The following MBNL2 variants were observed in gnomAD, a reference collection of about 807,000 sequenced individuals.
The protein encoded by MBNL2 is muscleblind like splicing regulator 2, also known as muscleblind-like protein 2.
In MBNL2, 17 loss-of-function variants were observed where a neutral mutation model predicts 41.9. The observed-to-expected ratio is 0.41, with a 90% CI of 0.28 to 0.61. MBNL2 has a LOEUF of 0.61. Among genes scored for constraint, MBNL2 ranks in the 20% least tolerant of loss-of-function variants. The probability of loss-of-function intolerance (pLI) is 0.35; values close to 1 mark genes in which losing one functional copy is unlikely to be tolerated. For synonymous variants in MBNL2, 195 were observed against 182.9 expected, an observed-to-expected ratio of 1.07 and a Z score of -0.53; for missense variants, 336 against 505.6, an observed-to-expected ratio of 0.66 and a Z score of 3.22.
the MBNL2 span, among the ~76,000 whole-genome samples, chr13:97,179,836 TAGAG>T: frequency 1.3e-5 from 2 of 151,928 alleles, no homozygotes; most frequent in Non-Finnish European, 2.9e-5. Flanking sequence ...GTGGCCACAG[TAGAG>T]AGAGTTAGGG....
At chr13:97,382,440 C>T (rs1024262605) in intron 8 of MBNL2, among the ~76,000 whole-genome samples, 1 of 152,240 alleles carries the variant, frequency 6.6e-6, no homozygotes, top group African/African-American at 2.4e-5. Context: ...ATTCCGTCAC[C>T]TCCTCCACCT....
chr13:97,222,099 A>G (rs769129637), upstream of MBNL2, among the ~76,000 whole-genome samples: 1 of 152,058 alleles, frequency 6.6e-6, no homozygotes, highest in Non-Finnish European at 1.5e-5. Context: ...TGCTCTGCCA[A>G]TTATGTGCCA....
At chr13:97,339,865 G>T (rs2061284979) in intron 3 of MBNL2, among the ~76,000 whole-genome samples, 2 of 91,518 alleles carry the variant, frequency 2.2e-5, no homozygotes, top group African/African-American at 1.3e-4. Context: ...CAACTGATTT[G>T]TGTGTGGGCG....
At chr13:97,245,930 G>A (rs927178163) in intron 1 of MBNL2, among the ~76,000 whole-genome samples, 1 of 152,156 alleles carries the variant, frequency 6.6e-6, no homozygotes, top group Non-Finnish European at 1.5e-5. Context: ...GGGAACTAGT[G>A]CCTTTAAAGC....
the MBNL2 span, among the ~76,000 whole-genome samples, chr13:97,182,255 C>T: frequency 4.6e-5 from 7 of 152,100 alleles, no homozygotes; most frequent in Non-Finnish European, 8.8e-5. Context: ...TCTACCAGGG[C>T]TCAGAATATA....
the MBNL2 span, among the ~76,000 whole-genome samples, chr13:97,194,681 G>A: frequency 2.0e-5 from 3 of 152,172 alleles, no homozygotes; most frequent in Admixed American, 2.0e-4. Flanking sequence ...AACAGGATGT[G>A]GTAAAGAAGC....
intron 2 of MBNL2, among the ~76,000 whole-genome samples, chr13:97,310,865 G>A (rs1283850891): frequency 6.7e-6 from 1 of 148,822 alleles, no homozygotes; most frequent in Non-Finnish European, 1.5e-5. Flanking sequence ...GGTCACCTGA[G>A]ATGAACTCTT....
chr13:97,315,277 A>C (rs1317899814), intron 2 of MBNL2, among the ~76,000 whole-genome samples: 1 of 152,250 alleles, frequency 6.6e-6, no homozygotes, highest in Non-Finnish European at 1.5e-5. Flanking sequence ...TTCACTCCAG[A>C]TCTCATCCCA....
the MBNL2 span, among the ~76,000 whole-genome samples, chr13:97,215,546 AG>A: frequency 6.6e-6 from 1 of 152,264 alleles, no homozygotes; most frequent in Non-Finnish European, 1.5e-5. Flanking sequence ...ACAGGAAATG[AG>A]AGTTGTGGTT....
intron 8 of MBNL2, among the ~76,000 whole-genome samples, chr13:97,374,999 G>A (rs2153144064): frequency 6.6e-6 from 1 of 152,244 alleles, no homozygotes; most frequent in South Asian, 2.1e-4. Context: ...CTACTCATGG[G>A]CACTTATCTA....
intron 2 of MBNL2, among the ~76,000 whole-genome samples, chr13:97,309,752 TATC>T (rs1396186036): frequency 6.6e-6 from 1 of 152,116 alleles, no homozygotes; most frequent in Non-Finnish European, 1.5e-5. Flanking sequence ...AGATGAAAAA[TATC>T]ATAGCGAGAG....
rs1345883160 is a variant in MBNL2, at chr13:97,391,482, C to T, written c.*33C>T. Reference sequence around the variant, plus strand: ...TGTAGTTCTTCTGGACAGACCACAACTCTAAGAAGCTAGTGCTGCTATCTC... The same window carrying T: ...TGTAGTTCTTCTGGACAGACCACAATTCTAAGAAGCTAGTGCTGCTATCTC... On this transcript the variant is annotated 3_prime_UTR_variant, in exon 9 of 9. Transcript: ENST00000679496. The T allele has an allele frequency of 4.5e-6, 4 of 879,460 alleles. No homozygotes were observed. The highest frequency in any genetic ancestry group is 7.8e-6 in the Non-Finnish European group (4 of 513,434). 54.5% of individuals were successfully genotyped at this position (879,460 alleles called of 1,614,324 possible).
intron 8 of MBNL2, among the ~76,000 whole-genome samples, chr13:97,381,583 C>T (rs1256096589): frequency 6.6e-6 from 1 of 151,782 alleles, no homozygotes; most frequent in Non-Finnish European, 1.5e-5. Context: ...GAAAAAAACC[C>T]ATATCATATA....
chr13:97,162,082 G>A, the MBNL2 span, among the ~76,000 whole-genome samples: 1 of 152,176 alleles, frequency 6.6e-6, no homozygotes, highest in Non-Finnish European at 1.5e-5. Context: ...GGCGTAGGAG[G>A]AAGAGGAGAG....
At chr13:97,185,509 A>G in the MBNL2 span, among the ~76,000 whole-genome samples, 17 of 152,312 alleles carry the variant, frequency 1.1e-4, no homozygotes, top group East Asian at 3.3e-3. Context: ...GATTAGCCAT[A>G]TTGAGCTCAA....
At chr13:97,205,987 A>G in the MBNL2 span, among the ~76,000 whole-genome samples, 1 of 152,222 alleles carries the variant, frequency 6.6e-6, no homozygotes, top group Non-Finnish European at 1.5e-5. Flanking sequence ...CCTCATCAGG[A>G]AAGTACTAAT....
chr13:97,226,026 T>C (rs1194787414), intron 1 of MBNL2, among the ~76,000 whole-genome samples: 1 of 152,188 alleles, frequency 6.6e-6, no homozygotes, highest in East Asian at 1.9e-4. Flanking sequence ...TCTCAGTTTT[T>C]TTTTTCTTTT....
chr13:97,273,782 C>T (rs956947556), intron 1 of MBNL2, among the ~76,000 whole-genome samples: 8 of 152,112 alleles, frequency 5.3e-5, no homozygotes, highest in Non-Finnish European at 7.4e-5. Flanking sequence ...TATTGCAGGC[C>T]GGACGCGGTG....
the MBNL2 span, among the ~76,000 whole-genome samples, chr13:97,190,129 C>T: frequency 3.3e-5 from 5 of 152,344 alleles, no homozygotes; most frequent in South Asian, 2.1e-4. Context: ...TGGCAGAAAG[C>T]GGATTCCAAC....
Sources: gnomAD v4.1 joint callset for allele counts (sites outside exome capture counted in the v4.1 genomes callset) on GRCh38, gnomAD v4.1.1 for gene constraint, MANE v1.5 for transcripts, NCBI Gene and HGNC (gene_info 2026-07-23, HGNC 2026-07-21) for gene names.